SS18: variants seen among roughly 807,000 people sequenced by gnomAD.
SS18 encodes the protein SS18 subunit of BAF chromatin remodeling complex.
Under a neutral mutation model 72.5 loss-of-function variants are expected in SS18, and 28 were observed. The observed-to-expected ratio is 0.39, with a 90% CI of 0.29 to 0.53. The LOEUF (loss-of-function observed/expected upper bound fraction) is 0.53, where lower values mean the gene tolerates loss of function less well. Ranked by LOEUF, SS18 falls within the 20% of genes least tolerant of loss-of-function variation. SS18 has a pLI of 0.76. For synonymous variants in SS18, 172 were observed against 164.2 expected, an observed-to-expected ratio of 1.05 and a Z score of -0.37; for missense variants, 518 against 535.3, an observed-to-expected ratio of 0.97 and a Z score of 0.32.
intron 10 of SS18, among the ~76,000 whole-genome samples, chr18:26,031,976 T>A (rs578075502): frequency 6.6e-6 from 1 of 151,608 alleles, no homozygotes; most frequent in African/African-American, 2.4e-5. Flanking sequence ...TTACCAGAGG[T>A]TGGGAAGAAA....
upstream of SS18, chr18:26,090,931 C>G: frequency 5.8e-6 from 2 of 345,386 alleles, no homozygotes; most frequent in South Asian, 3.5e-5. Flanking sequence ...GAAGGAGAGG[C>G]TGGGGCAGCC....
intron 5 of SS18, among the ~76,000 whole-genome samples, chr18:26,046,191 C>CAAAAAAAAAAAAAAAAAAAAAAAGTAA (rs760639087): frequency 2.2e-5 from 1 of 45,068 alleles, no homozygotes; most frequent in Non-Finnish European, 6.2e-5. Flanking sequence ...GACTCCGTCT[C>CAAAAAAAAAAAAAAAAAAAAAAAGTAA]AAAAAAAAAA....
intron 5 of SS18, among the ~76,000 whole-genome samples, chr18:26,051,817 T>C (rs2053928922): frequency 6.6e-6 from 1 of 152,234 alleles, no homozygotes; most frequent in Non-Finnish European, 1.5e-5. Context: ...ATCTGTATTA[T>C]TTTAAAATTA....
At chr18:26,068,210 G>A (rs1444572897) in intron 3 of SS18, 2 of 151,992 alleles carry the variant, frequency 1.3e-5, no homozygotes, top group Admixed American at 6.6e-5. Flanking sequence ...ATTAAAATAC[G>A]AAATTTTAAG....
At chr18:26,063,259 C>T (rs938372794) in intron 3 of SS18, among the ~76,000 whole-genome samples, 6 of 152,182 alleles carry the variant, frequency 3.9e-5, no homozygotes, top group Non-Finnish European at 8.8e-5. Flanking sequence ...GTGGTTCATG[C>T]CTGTAATCCC....
intron 4 of SS18, among the ~76,000 whole-genome samples, chr18:26,055,502 AC>A (rs769479624): frequency 5.9e-5 from 9 of 152,042 alleles, no homozygotes; most frequent in Non-Finnish European, 1.0e-4. Flanking sequence ...AAAAAAGGGA[AC>A]CTGAGACTGA....
At chr18:26,026,059 A>C (rs2053440085) in intron 10 of SS18, among the ~76,000 whole-genome samples, 1 of 152,206 alleles carries the variant, frequency 6.6e-6, no homozygotes, top group African/African-American at 2.4e-5. Context: ...ATTTCTACTA[A>C]ATACACATCA....
At chr18:26,080,149 G>T (rs888305905) in intron 2 of SS18, among the ~76,000 whole-genome samples, 4 of 152,130 alleles carry the variant, frequency 2.6e-5, no homozygotes, top group African/African-American at 9.7e-5. Flanking sequence ...ATGGTTAATT[G>T]TGTTGTTGAA....
At chr18:26,054,685 AAG>A (rs1475880029) in intron 4 of SS18, among the ~76,000 whole-genome samples, 2 of 152,164 alleles carry the variant, frequency 1.3e-5, no homozygotes, top group Non-Finnish European at 2.9e-5. Context: ...TTTAAAAAAA[AAG>A]AGTAAAAATA....
At chr18:26,082,523 C>T in intron 2 of SS18, 1 of 985,126 alleles carries the variant, frequency 1.0e-6, no homozygotes, top group Non-Finnish European at 1.2e-6. Context: ...ATAGTTTGGA[C>T]TCACCCTAAA....
At chr18:26,027,141 T>G (rs1206431282) in intron 10 of SS18, among the ~76,000 whole-genome samples, 1 of 152,180 alleles carries the variant, frequency 6.6e-6, no homozygotes, top group Non-Finnish European at 1.5e-5. Flanking sequence ...CAAACAACTT[T>G]GTATAAAAAG....
At chr18:26,085,672 T>C (rs12962664) in intron 2 of SS18, among the ~76,000 whole-genome samples, 5 of 152,166 alleles carry the variant, frequency 3.3e-5, no homozygotes, top group Non-Finnish European at 7.4e-5. Flanking sequence ...GTTACCCCTA[T>C]GGAGGGGAAG....
chr18:26,065,700 AGAG>A (rs1377608264), intron 3 of SS18, among the ~76,000 whole-genome samples: 1 of 150,594 alleles, frequency 6.6e-6, no homozygotes, highest in Non-Finnish European at 1.5e-5. Flanking sequence ...CAGACACCAC[AGAG>A]AATAAAAAGA....
At chr18:26,065,539 A>G (rs974042686) in intron 3 of SS18, among the ~76,000 whole-genome samples, 1 of 152,024 alleles carries the variant, frequency 6.6e-6, no homozygotes, top group African/African-American at 2.4e-5. Context: ...TTTGCAATGG[A>G]TCATGAATAA....
chr18:26,045,782 T>C (rs1005145773), intron 5 of SS18, among the ~76,000 whole-genome samples: 1 of 152,140 alleles, frequency 6.6e-6, no homozygotes. Context: ...AATTATTCCA[T>C]GGCCTTTAAA....
At chr18:26,063,107 C>T (rs2054152412) in intron 3 of SS18, among the ~76,000 whole-genome samples, 1 of 152,194 alleles carries the variant, frequency 6.6e-6, no homozygotes. Context: ...AACTGAATCA[C>T]ATACTGGGCC....
chr18:26,085,915 G>A (rs1224718238), intron 2 of SS18: 2 of 152,110 alleles, frequency 1.3e-5, no homozygotes, highest in Non-Finnish European at 2.9e-5. Context: ...TTATCTGCCT[G>A]AGGATACACC....
At chr18:26,047,581 T>C (rs776563015) in intron 5 of SS18, among the ~76,000 whole-genome samples, 10 of 152,100 alleles carry the variant, frequency 6.6e-5, no homozygotes, top group South Asian at 2.1e-4. Context: ...CTCATGCCTG[T>C]CTGTAATCCC....
At chr18:26,043,645 A>G (rs1241076905) in intron 5 of SS18, among the ~76,000 whole-genome samples, 1 of 152,210 alleles carries the variant, frequency 6.6e-6, no homozygotes, top group African/African-American at 2.4e-5. Context: ...ACACCTGTCC[A>G]CATCAAGAAT....
Sources: allele counts gnomAD v4.1 joint callset (sites outside exome capture counted in the v4.1 genomes callset), GRCh38; gene constraint gnomAD v4.1.1; transcripts MANE v1.5; gene names NCBI Gene and HGNC (gene_info 2026-07-23, HGNC 2026-07-21).